The following NR3C1 variants were observed in gnomAD, a reference collection of about 807,000 sequenced individuals.
NR3C1 encodes the protein glucocorticoid receptor.
NR3C1 carries 14 observed loss-of-function variants against 74.0 expected under a neutral mutation model. The observed-to-expected ratio is 0.19, with a 90% CI of 0.12 to 0.30. The LOEUF is 0.30. Among genes scored for constraint, NR3C1 ranks in the 10% least tolerant of loss-of-function variants. The pLI, the probability that NR3C1 is intolerant of heterozygous loss-of-function variation, is 1.00. For missense variants in NR3C1, 695 were observed against 909.8 expected (o/e 0.76, Z 3.04); for synonymous variants, 308 against 332.5 (o/e 0.93, Z 0.80).
At chr5:143,349,366 T>A (rs1829851332) in intron 2 of NR3C1, among the ~76,000 whole-genome samples, 1 of 152,192 alleles carries the variant, frequency 6.6e-6, no homozygotes, top group South Asian at 2.1e-4. Context: ...GTTTGAGATC[T>A]ATGAGTGGAA....
intron 2 of NR3C1, among the ~76,000 whole-genome samples, chr5:143,327,563 G>A (rs1015184053): frequency 1.3e-5 from 2 of 152,166 alleles, no homozygotes; most frequent in African/African-American, 2.4e-5. Flanking sequence ...TCCCTTCCAC[G>A]TATGAGCCTA....
In NR3C1 at chr5:143,355,357, G is replaced by A. The variant is rs1340422658; in HGVS notation, c.1185-41189C>T. 3.3e-5 allele frequency among the ~76,000 whole-genome samples: 5 copies of A among 152,094 alleles called. No homozygotes were observed. In the East Asian group the frequency reaches 9.6e-4, roughly 29 times the overall value. ...GGAATTTGCCAGGTGATTCTTACTT[G>A]ATACTTAGCCACTTGGGCTGAGGTG... is the stretch of plus-strand genomic sequence containing the variant. On this transcript the variant is annotated intron_variant, in intron 2 of 8. Coordinates refer to ENST00000394464, the MANE Select transcript of NR3C1 (RefSeq NM_000176.3).
rs1374043612 is a variant in NR3C1, at chr5:143,280,700, T to C, written c.*1189A>G. The C allele has an allele frequency of 6.6e-6, 1 of 152,564 alleles. No homozygotes were observed. Among genetic ancestry groups the C allele is most frequent in the Non-Finnish European group, 1.5e-5 (1 of 68,020 alleles). 9.5% of individuals were successfully genotyped at this position (152,564 alleles called of 1,614,324 possible). A position where few individuals can be genotyped will look rare whatever the true frequency, so the allele number is the denominator to read the frequency against. On this transcript the variant is annotated 3_prime_UTR_variant, in exon 9 of 9. Coordinates refer to ENST00000394464, the MANE Select transcript of NR3C1 (RefSeq NM_000176.3). ...AGCTTTCCTGTACCATCAGGAAAGATTAACCAATTGGTGACAGATGGGAAT... is the reference window on the plus strand; with the variant it reads ...AGCTTTCCTGTACCATCAGGAAAGACTAACCAATTGGTGACAGATGGGAAT...
chr5:143,422,095 T>C (rs1036050406), intron 1 of NR3C1, among the ~76,000 whole-genome samples: 4 of 152,158 alleles, frequency 2.6e-5, no homozygotes, highest in Non-Finnish European at 5.9e-5. Context: ...CAGTTTTCTC[T>C]TACTTTCCCT....
chr5:143,352,810 C>T (rs1204734585), intron 2 of NR3C1, among the ~76,000 whole-genome samples: 1 of 152,170 alleles, frequency 6.6e-6, no homozygotes, highest in East Asian at 1.9e-4. Context: ...GAGGGTCTTG[C>T]TTCAGTGTTG....
chr5:143,405,524 A>G (rs558249096), upstream of NR3C1, among the ~76,000 whole-genome samples: 1 of 152,242 alleles, frequency 6.6e-6, no homozygotes, highest in Non-Finnish European at 1.5e-5. Context: ...TTGGTTCTCA[A>G]GGGTAAACGG....
At chr5:143,326,490 C>G (rs1824630515) in intron 2 of NR3C1, among the ~76,000 whole-genome samples, 1 of 152,128 alleles carries the variant, frequency 6.6e-6, no homozygotes. Context: ...AAGATAATGT[C>G]ATGCTGGTCA....
In NR3C1 at chr5:143,380,746, T is replaced by C. The variant is rs187794369; in HGVS notation, c.1184+18910A>G. Among the ~76,000 whole-genome samples the C allele has an allele frequency of 5.2e-4, 79 of 152,274 alleles. 3 individuals carry two copies. The highest frequency in any genetic ancestry group is 3.9e-3 in the East Asian group (20 of 5,182). On this transcript the variant is annotated intron_variant, in intron 2 of 8. Transcript: ENST00000394464. Reference sequence around the variant, plus strand: ...CTCCTCTTCAAGCTTATGGCCGAAATATAAATCTGATAATGGTACCACAAG... The same window carrying C: ...CTCCTCTTCAAGCTTATGGCCGAAACATAAATCTGATAATGGTACCACAAG...
At chr5:143,429,845 C>A (rs113394833) in intron 1 of NR3C1, among the ~76,000 whole-genome samples, 1 of 151,676 alleles carries the variant, frequency 6.6e-6, no homozygotes, top group African/African-American at 2.4e-5. Context: ...TTTGGGAGGC[C>A]GAGGTGGGCA....
At chr5:143,407,634 T>A (rs1488279206), upstream of NR3C1, among the ~76,000 whole-genome samples, 1 of 152,230 alleles carries the variant, frequency 6.6e-6, no homozygotes, top group African/African-American at 2.4e-5. Flanking sequence ...TAATATATGG[T>A]CTTAGAGACT....
At chr5:143,318,223 G>A (rs1355762958) in intron 2 of NR3C1, among the ~76,000 whole-genome samples, 2 of 152,048 alleles carry the variant, frequency 1.3e-5, no homozygotes, top group Non-Finnish European at 2.9e-5. Context: ...GCCTGTAGAA[G>A]GTTAATGGTC....
chr5:143,343,002 A>C (rs1391046584), intron 2 of NR3C1, among the ~76,000 whole-genome samples: 10 of 152,234 alleles, frequency 6.6e-5, no homozygotes, highest in Admixed American at 2.0e-4. Context: ...CAAAGACAAC[A>C]GAAGATGACA....
intron 2 of NR3C1, among the ~76,000 whole-genome samples, chr5:143,373,303 ACAATC>A (rs777755981): frequency 2.0e-5 from 3 of 152,226 alleles, no homozygotes; most frequent in Non-Finnish European, 2.9e-5. Context: ...AACTCTGGAA[ACAATC>A]CAAGTGTCCA....
In NR3C1 at chr5:143,424,238, A is replaced by C. The variant is rs1011951265; in HGVS notation, c.-14+10294T>G. ...AATAATAAATAAAATAAAAAATAAA[A>C]AAGAGGGGTGTTTAATGGATACGAA... is the stretch of plus-strand genomic sequence containing the variant. On this transcript the variant is annotated intron_variant, in intron 1 of 8. Transcript: ENST00000343796. Among the ~76,000 whole-genome samples, 526 of 60,646 alleles carry C rather than the reference A, an allele frequency of 8.7e-3. 3 individuals carry two copies. Among genetic ancestry groups the C allele is most frequent in the African/African-American group, 0.059 (502 of 8,498 alleles). The allele number at this position is 60,646 out of a possible 152,430, so 39.8% of individuals were successfully genotyped here.
intron 2 of NR3C1, among the ~76,000 whole-genome samples, chr5:143,336,370 C>A (rs1827123954): frequency 6.6e-6 from 1 of 152,128 alleles, no homozygotes; most frequent in South Asian, 2.1e-4. Flanking sequence ...GCATACACCT[C>A]TAAGAATAAA....
Position 143,281,783 on chromosome 5 carries a change from A to C in NR3C1, c.*106T>G. ...ATTTAAAACAAAACAACAGATGAAAACAATAAAAAATAAAACAACAAAACC... is the reference window on the plus strand; with the variant it reads ...ATTTAAAACAAAACAACAGATGAAACCAATAAAAAATAAAACAACAAAACC... On this transcript the variant is annotated 3_prime_UTR_variant, in exon 9 of 9. Transcript: ENST00000394464. The C allele has an allele frequency of 2.4e-6, 3 of 1,258,048 alleles. No individual in the cohort carries two copies. Among genetic ancestry groups the C allele is most frequent in the East Asian group, 4.7e-5 (2 of 42,692 alleles). 77.9% of individuals were successfully genotyped at this position (1,258,048 alleles called of 1,614,324 possible).
chr5:143,318,592 A>G (rs940904520), intron 2 of NR3C1, among the ~76,000 whole-genome samples: 3 of 152,144 alleles, frequency 2.0e-5, no homozygotes, highest in Non-Finnish European at 4.4e-5. Context: ...CTTGAAACCT[A>G]TATTTTATCA....
chr5:143,417,618 G>A (rs1049045215), intron 1 of NR3C1, among the ~76,000 whole-genome samples: 2 of 152,062 alleles, frequency 1.3e-5, no homozygotes, highest in African/African-American at 2.4e-5. Flanking sequence ...ATTAATGCAT[G>A]GTAAAGTAAC....
At chr5:143,434,674 A>G in exon 1 of NR3C1, 1 of 985,440 alleles carries the variant, frequency 1.0e-6, no homozygotes, top group Non-Finnish European at 1.2e-6. Context: ...CCATTCTCGC[A>G]CAGAGAAGGC....
Sources: gnomAD v4.1 joint callset for allele counts (sites outside exome capture counted in the v4.1 genomes callset) on GRCh38, gnomAD v4.1.1 for gene constraint, MANE v1.5 for transcripts, NCBI Gene and HGNC (gene_info 2026-07-23, HGNC 2026-07-21) for gene names.